Variants in TPRG1 observed in about 807,000 individuals in gnomAD.
TPRG1 encodes tumor protein p63-regulated gene 1 protein.
A neutral mutation model predicts 29.3 loss-of-function variants in TPRG1; 29 were observed. The observed-to-expected ratio is 0.99, with a 90% CI of 0.74 to 1.35. The LOEUF is 1.35. Among genes scored for constraint, TPRG1 ranks in the 40% most tolerant of loss-of-function variants. TPRG1 has a pLI of 0.00. For missense variants in TPRG1, 327 were observed against 335.0 expected (o/e 0.98, Z 0.19); for synonymous variants, 130 against 116.8 (o/e 1.11, Z -0.73).
chr3:189,031,446 T>C (rs1713931029), intron 4 of TPRG1, among the ~76,000 whole-genome samples: 1 of 152,232 alleles, frequency 6.6e-6, no homozygotes. Flanking sequence ...ATATGAAGCC[T>C]ATTTTACTTA....
chr3:189,163,225 A>G (rs780431385), intron 5 of TPRG1, among the ~76,000 whole-genome samples: 17 of 152,214 alleles, frequency 1.1e-4, no homozygotes, highest in Admixed American at 6.5e-5. Context: ...GCGAGCCAAG[A>G]TGGCACCATT....
chr3:189,197,435 C>A (rs1470094111), intron 1 of TPRG1, among the ~76,000 whole-genome samples: 1 of 152,104 alleles, frequency 6.6e-6, no homozygotes, highest in African/African-American at 2.4e-5. Context: ...GAACTGGTGA[C>A]TTAGTCTTAT....
chr3:189,234,791 C>G (rs1473689312), intron 3 of TPRG1, among the ~76,000 whole-genome samples: 1 of 152,156 alleles, frequency 6.6e-6, no homozygotes, highest in Non-Finnish European at 1.5e-5. Context: ...ATTATGTAAT[C>G]ATAGAAATAA....
At chr3:189,106,949 T>A (rs1719898519) in intron 1 of TPRG1, among the ~76,000 whole-genome samples, 1 of 152,092 alleles carries the variant, frequency 6.6e-6, no homozygotes, top group South Asian at 2.1e-4. Context: ...TTTAGTAATT[T>A]AAAAAATAAT....
chr3:189,031,286 G>A (rs1713920836), intron 4 of TPRG1, among the ~76,000 whole-genome samples: 3 of 47,468 alleles, frequency 6.3e-5, no homozygotes, highest in African/African-American at 8.4e-5. Flanking sequence ...GCGAGACTCT[G>A]TCTTAAAAAA....
In TPRG1 at chr3:189,316,764, T is replaced by G. The variant is rs576117525; in HGVS notation, c.634-3862T>G. Among the ~76,000 whole-genome samples, 7 of 152,218 alleles carry G rather than the reference T, an allele frequency of 4.6e-5. No homozygotes were observed. The East Asian group carries it at 1.4e-3, about 29-fold the overall frequency. The stretch of plus-strand genomic sequence containing the variant: ...TGACCCTCTGTATTTGGGACTGAAA[T>G]AAAAGAGAGAGCCAGAGGTGGGTGC... On this transcript the variant is annotated intron_variant, in intron 5 of 5. Transcript: ENST00000345063.
intron 1 of TPRG1, among the ~76,000 whole-genome samples, chr3:189,113,678 T>G (rs577902568): frequency 6.6e-6 from 1 of 152,152 alleles, no homozygotes; most frequent in East Asian, 1.9e-4. Flanking sequence ...CTGGATTACA[T>G]TTATTGATTT....
intron 2 of TPRG1, among the ~76,000 whole-genome samples, chr3:189,211,323 A>T (rs1265551122): frequency 6.6e-6 from 1 of 152,170 alleles, no homozygotes; most frequent in Non-Finnish European, 1.5e-5. Flanking sequence ...CTGAGGCAGG[A>T]TATTGCTCAA....
intron 3 of TPRG1, among the ~76,000 whole-genome samples, chr3:189,229,903 T>G (rs551881193): frequency 4.5e-4 from 69 of 152,334 alleles, no homozygotes; most frequent in Admixed American, 2.2e-3. Context: ...ATCTCTCTGC[T>G]GCTTAAAATA....
At chr3:189,169,013 T>G (rs971570335), upstream of TPRG1, among the ~76,000 whole-genome samples, 2 of 152,150 alleles carry the variant, frequency 1.3e-5, no homozygotes, top group African/African-American at 2.4e-5. Context: ...GCTTGTGTGA[T>G]CATCAGGATG....
chr3:189,085,397 G>A (rs899127540), intron 4 of TPRG1, among the ~76,000 whole-genome samples: 6 of 151,966 alleles, frequency 3.9e-5, no homozygotes, highest in African/African-American at 1.5e-4. Context: ...GCTGGCGGTG[G>A]ATACACATTT....
At chr3:189,254,891 G>A (rs1008793250) in intron 4 of TPRG1, among the ~76,000 whole-genome samples, 1 of 152,192 alleles carries the variant, frequency 6.6e-6, no homozygotes, top group African/African-American at 2.4e-5. Context: ...AGACTTTGCT[G>A]AAGTTGTTTA....
At chr3:189,312,258 G>C (rs577036208) in intron 5 of TPRG1, among the ~76,000 whole-genome samples, 4 of 148,502 alleles carry the variant, frequency 2.7e-5, no homozygotes, top group African/African-American at 1.0e-4. Flanking sequence ...CTGGAGTGCA[G>C]TGGCACAATC....
intron 3 of TPRG1, among the ~76,000 whole-genome samples, chr3:189,225,231 G>A (rs189165456): frequency 1.2e-3 from 183 of 152,194 alleles, no homozygotes; most frequent in Non-Finnish European, 2.1e-3. Flanking sequence ...ACGCCCTGCC[G>A]TCTCTTCCAA....
chr3:189,107,895 T>C (rs571260305), intron 1 of TPRG1, among the ~76,000 whole-genome samples: 2 of 152,270 alleles, frequency 1.3e-5, no homozygotes, highest in African/African-American at 4.8e-5. Context: ...TCTTATAATG[T>C]AGTATTTTTT....
At chr3:189,221,734 A>C (rs1000157253) in intron 3 of TPRG1, among the ~76,000 whole-genome samples, 2 of 152,238 alleles carry the variant, frequency 1.3e-5, no homozygotes, top group African/African-American at 4.8e-5. Context: ...CCTGGTCCCC[A>C]AAGTGACACT....
intron 4 of TPRG1, among the ~76,000 whole-genome samples, chr3:189,055,741 G>A (rs538048116): frequency 1.2e-4 from 19 of 152,230 alleles, no homozygotes; most frequent in South Asian, 2.1e-4. Flanking sequence ...CAAAGCTAGC[G>A]TTCATGAAAT....
intron 4 of TPRG1, among the ~76,000 whole-genome samples, chr3:189,258,400 C>G (rs1712310245): frequency 6.6e-6 from 1 of 152,040 alleles, no homozygotes; most frequent in African/African-American, 2.4e-5. Context: ...AGGCACCAAC[C>G]AGATGCTAGC....
At chr3:189,295,713 G>A (rs145994065) in intron 4 of TPRG1, among the ~76,000 whole-genome samples, 2 of 152,014 alleles carry the variant, frequency 1.3e-5, no homozygotes, top group East Asian at 3.9e-4. Context: ...AGTTCTCAAG[G>A]GCGCGTGATG....
Sources: allele counts gnomAD v4.1 joint callset (sites outside exome capture counted in the v4.1 genomes callset), GRCh38; gene constraint gnomAD v4.1.1; transcripts MANE v1.5; gene names NCBI Gene and HGNC (gene_info 2026-07-23, HGNC 2026-07-21).